RHOA: variants seen among roughly 807,000 people sequenced by gnomAD.
The protein encoded by RHOA is transforming protein RhoA.
Under a neutral mutation model 17.5 loss-of-function variants are expected in RHOA, and 3 were observed. That is an observed-to-expected ratio of 0.17 (90% confidence interval 0.08 to 0.44). The LOEUF (loss-of-function observed/expected upper bound fraction) is 0.44, where lower values mean the gene tolerates loss of function less well. Ranked by LOEUF, RHOA falls within the 20% of genes least tolerant of loss-of-function variation. The pLI, the probability that RHOA is intolerant of heterozygous loss-of-function variation, is 0.99. For missense variants in RHOA, 56 were observed against 242.3 expected (o/e 0.23, Z 5.10); for synonymous variants, 98 against 88.4 (o/e 1.11, Z -0.61).
intron 1 of RHOA, among the ~76,000 whole-genome samples, chr3:49,401,575 A>T (rs1444949860): frequency 8.6e-5 from 13 of 151,564 alleles, no homozygotes; most frequent in Non-Finnish European, 1.9e-4. Flanking sequence ...AAAAAAAAAA[A>T]ATTGGGGAAA....
chr3:49,398,666 GA>G (rs760023392), intron 1 of RHOA, among the ~76,000 whole-genome samples: 1,492 of 137,848 alleles, frequency 0.011, 26 homozygotes, highest in African/African-American at 0.034. Flanking sequence ...TCTACTAAAA[GA>G]AAAAAAAAAA....
intron 1 of RHOA, among the ~76,000 whole-genome samples, chr3:49,394,373 T>C (rs1559512638): frequency 2.0e-5 from 3 of 151,450 alleles, no homozygotes; most frequent in African/African-American, 4.9e-5. Context: ...TTTTCTGAGA[T>C]AGAGTCTCTC....
intron 1 of RHOA, 82 bp from the exon 2 acceptor site, chr3:49,375,673 A>G: frequency 6.9e-7 from 1 of 1,447,014 alleles, no homozygotes; most frequent in Non-Finnish European, 9.5e-7. Flanking sequence ...TTTGGTAACC[A>G]TGGGGCATAA....
rs756134226 is a variant in RHOA, at chr3:49,361,080, AC to A, written c.409-699del. ...ACAGTGAGGCTCCTTCTCAAAAAAA[AC>A]AAAACAAAAAAAAAAAACAACAAAC... On this transcript the variant is annotated intron_variant, in intron 4 of 4. Coordinates refer to ENST00000418115, the MANE Select transcript of RHOA (RefSeq NM_001664.4). 1.1e-3 allele frequency: 183 copies of A among 167,228 alleles called. 14 individuals carry two copies. The highest frequency in any genetic ancestry group is 2.6e-3 in the South Asian group (26 of 10,094). 10.4% of individuals were successfully genotyped at this position (167,228 alleles called of 1,614,324 possible).
intron 4 of RHOA, among the ~76,000 whole-genome samples, chr3:49,362,017 A>G (rs531354634): frequency 6.6e-6 from 1 of 151,750 alleles, no homozygotes; most frequent in South Asian, 2.1e-4. Flanking sequence ...GTGAAACCCC[A>G]TCTATTAAAA....
At chr3:49,408,091 G>T (rs999172868) in intron 1 of RHOA, among the ~76,000 whole-genome samples, 1 of 151,844 alleles carries the variant, frequency 6.6e-6, no homozygotes, top group African/African-American at 2.4e-5. Context: ...ACTAGGAGGC[G>T]GCGGTTGCAG....
intron 1 of RHOA, among the ~76,000 whole-genome samples, chr3:49,380,073 C>T (rs760871395): frequency 2.6e-5 from 4 of 152,092 alleles, no homozygotes; most frequent in Non-Finnish European, 5.9e-5. Flanking sequence ...TGGCCATGTA[C>T]CATGAGATGT....
chr3:49,411,273 TTTAC>T (rs1017690631), intron 1 of RHOA, among the ~76,000 whole-genome samples: 3 of 152,320 alleles, frequency 2.0e-5, no homozygotes, highest in South Asian at 2.1e-4. Flanking sequence ...AATACAATCT[TTTAC>T]TTACTTACAC....
At chr3:49,395,027 A>C (rs1161740631) in intron 1 of RHOA, among the ~76,000 whole-genome samples, 1 of 152,002 alleles carries the variant, frequency 6.6e-6, no homozygotes, top group African/African-American at 2.4e-5. Flanking sequence ...AGGCGGGCAG[A>C]TCACGAGGTC....
Position 49,375,500 on chromosome 3 carries a change from G to A in RHOA, c.90C>T (p.Phe30=), listed in dbSNP as rs2107849602. 1.9e-6 allele frequency: 3 copies of A among 1,614,066 alleles called. No homozygotes were observed. Among genetic ancestry groups the A allele is most frequent in the South Asian group, 1.1e-5 (1 of 91,072 alleles). Residue 30 remains phenylalanine, a synonymous_variant, in exon 2 of 5, where the codon TTC becomes TTT. Coordinates refer to ENST00000418115, the MANE Select transcript of RHOA (RefSeq NM_001664.4). ...CLLIVFSKDQ[F]PEVYVPTVFE... ...ACACTGTGGGCACATACACCTCTGG[G>A]AACTGGTCCTTGCTGAAGACTATGA...
At chr3:49,381,343 T>A (rs2048313141) in intron 1 of RHOA, among the ~76,000 whole-genome samples, 1 of 151,084 alleles carries the variant, frequency 6.6e-6, no homozygotes, top group African/African-American at 2.4e-5. Flanking sequence ...AGGCAGAGGC[T>A]GCAGTAAGCC....
At chr3:49,383,374 C>T (rs1392911153) in intron 1 of RHOA, among the ~76,000 whole-genome samples, 1 of 143,702 alleles carries the variant, frequency 7.0e-6, no homozygotes, top group African/African-American at 2.6e-5. Context: ...GAGCTGAGAT[C>T]ACACCACTGC....
chr3:49,386,391 A>G (rs2048396081), intron 1 of RHOA, among the ~76,000 whole-genome samples: 1 of 152,230 alleles, frequency 6.6e-6, no homozygotes, highest in African/African-American at 2.4e-5. Context: ...TGCAGTTATA[A>G]ACTTTAAACA....
At chr3:49,382,619 C>G (rs1454993704) in intron 1 of RHOA, among the ~76,000 whole-genome samples, 2 of 151,204 alleles carry the variant, frequency 1.3e-5, no homozygotes, top group Admixed American at 6.6e-5. Context: ...CTGAGTGACA[C>G]AGTAAGACCC....
intron 1 of RHOA, among the ~76,000 whole-genome samples, chr3:49,380,719 T>TAATAATAATAAA (rs2048303024): frequency 8.0e-6 from 1 of 125,124 alleles, no homozygotes; most frequent in South Asian, 2.7e-4. Flanking sequence ...ATAATAATAA[T>TAATAATAATAAA]AAATACTCAT....
At chr3:49,396,231 T>G (rs558064898) in intron 1 of RHOA, among the ~76,000 whole-genome samples, 1 of 152,112 alleles carries the variant, frequency 6.6e-6, no homozygotes, top group African/African-American at 2.4e-5. Flanking sequence ...TGGCAGTGAA[T>G]TGAGAAAACG....
chr3:49,392,439 G>C (rs1559511439), intron 1 of RHOA, among the ~76,000 whole-genome samples: 1 of 151,992 alleles, frequency 6.6e-6, no homozygotes. Context: ...GAGTCCCTGT[G>C]TCAAAAACAA....
rs779217505 is a variant in RHOA at position 49,359,603 on chromosome 3, T to C, written c.*606A>G. ...GGAAATCCAATTATACAAAAAATAC[T>C]ACATCTAGTCTGGGGTAGATATATT... On this transcript the variant is annotated 3_prime_UTR_variant, in exon 5 of 5. Transcript: ENST00000418115. 1 of 207,084 alleles carries C rather than the reference T, an allele frequency of 4.8e-6. No individual in the cohort carries two copies. The highest frequency in any genetic ancestry group is 2.3e-5 in the African/African-American group (1 of 43,884). The allele number at this position is 207,084 out of a possible 1,614,324, so 12.8% of individuals were successfully genotyped here.
intron 1 of RHOA, among the ~76,000 whole-genome samples, chr3:49,384,765 A>C (rs1306344637): frequency 2.0e-5 from 3 of 152,048 alleles, no homozygotes; most frequent in Non-Finnish European, 4.4e-5. Context: ...ACTTTCTAAA[A>C]ATTTAATTAT....
Sources: gnomAD v4.1 joint callset for allele counts (sites outside exome capture counted in the v4.1 genomes callset) on GRCh38, gnomAD v4.1.1 for gene constraint, MANE v1.5 for transcripts, NCBI Gene and HGNC (gene_info 2026-07-23, HGNC 2026-07-21) for gene names.